CADPS2: variants seen among roughly 807,000 people sequenced by gnomAD.
CADPS2 encodes calcium-dependent secretion activator 2.
A neutral mutation model predicts 172.5 loss-of-function variants in CADPS2; 93 were observed. That is an observed-to-expected ratio of 0.54 (90% CI 0.46 to 0.64). CADPS2 has a LOEUF of 0.64. Among genes scored for constraint, CADPS2 ranks in the 30% least tolerant of loss-of-function variants. The pLI is 0.00. For missense variants in CADPS2, 1,420 were observed against 1,565.9 expected, an observed-to-expected ratio of 0.91 and a Z score of 1.57; for synonymous variants, 546 against 555.2, an observed-to-expected ratio of 0.98 and a Z score of 0.23.
In CADPS2 at chr7:122,393,526, C is replaced by T; in HGVS notation, c.2803G>A (p.Val935Ile). 1.2e-6 allele frequency: 2 copies of T among 1,613,780 alleles called. No individual in the cohort carries two copies. Among genetic ancestry groups the T allele is most frequent in the Non-Finnish European group, 1.7e-6 (2 of 1,179,828 alleles). Reference sequence around the variant, plus strand: ...TCCATGAGATCCACATAGCGGACAACCAAGGGTACAAAGATTTCTTGCAAG... The same window carrying T: ...TCCATGAGATCCACATAGCGGACAATCAAGGGTACAAAGATTTCTTGCAAG... ...KHLQEIFVPL[V>I]VRYVDLMESS... The change falls in exon 21 of 30, where the codon GTT becomes ATT. Residue 935 changes from valine to isoleucine, a missense_variant. Coordinates refer to ENST00000449022, the MANE Select transcript of CADPS2 (RefSeq NM_017954.11).
chr7:122,681,187 G>T, intron 2 of CADPS2: 1 of 603,246 alleles, frequency 1.7e-6, no homozygotes, highest in Non-Finnish European at 3.0e-6. Context: ...TAGATGACAA[G>T]TTAGTGGGTG....
At chr7:122,868,962 A>T (rs771835901) in intron 1 of CADPS2, among the ~76,000 whole-genome samples, 31 of 152,194 alleles carry the variant, frequency 2.0e-4, no homozygotes, top group Admixed American at 9.8e-4. Flanking sequence ...GGAAGAGAAG[A>T]TTAGCAAATT....
intron 7 of CADPS2, among the ~76,000 whole-genome samples, chr7:122,559,770 C>CAAAAA (rs71161306): frequency 1.2e-5 from 1 of 85,152 alleles, no homozygotes; most frequent in Admixed American, 1.4e-4. Flanking sequence ...GACTCCACCT[C>CAAAAA]AAAAAAAAAA....
At chr7:122,846,962 GGCA>G (rs1456747420) in intron 1 of CADPS2, among the ~76,000 whole-genome samples, 3 of 152,136 alleles carry the variant, frequency 2.0e-5, no homozygotes, top group Non-Finnish European at 2.9e-5. Context: ...CAGTATGCCC[GGCA>G]GCAGATCCAG....
chr7:122,565,672 C>A (rs2066369045), intron 7 of CADPS2, among the ~76,000 whole-genome samples: 2 of 152,122 alleles, frequency 1.3e-5, no homozygotes, highest in African/African-American at 4.8e-5. Context: ...CTGCTAAAGG[C>A]AACAGAGGTA....
At chr7:122,784,935 T>C (rs528043570) in intron 1 of CADPS2, among the ~76,000 whole-genome samples, 2 of 152,214 alleles carry the variant, frequency 1.3e-5, no homozygotes, top group African/African-American at 4.8e-5. Flanking sequence ...TTTCACCTTG[T>C]TGAACATCAA....
intron 17 of CADPS2, among the ~76,000 whole-genome samples, chr7:122,437,127 A>G (rs3807869): frequency 0.27 from 41,243 of 151,998 alleles, 6,028 homozygotes; most frequent in Middle Eastern, 0.36. Context: ...TATTTGAATG[A>G]GTATTTAAGA....
rs1310275932 is a variant in CADPS2 at position 122,321,484 on chromosome 7, TTTC to T, written c.3718-1149_3718-1147del. Reference sequence around the variant, plus strand: ...TGCCTGGCCATGTTTACTTTTTTCTTTTCTTTTTTTTGTTTTTATTTTGACATG... The same window carrying T: ...TGCCTGGCCATGTTTACTTTTTTCTTTTTTTTTTGTTTTTATTTTGACATG... On this transcript the variant is annotated intron_variant, in intron 29 of 29. Transcript: ENST00000449022. Among the ~76,000 whole-genome samples the T allele has an allele frequency of 1.2e-4, 18 of 151,882 alleles. No homozygotes were observed. In the East Asian group the frequency reaches 2.7e-3, roughly 23 times the overall value.
At chr7:122,761,854 C>T (rs1326904693) in intron 1 of CADPS2, among the ~76,000 whole-genome samples, 1 of 150,192 alleles carries the variant, frequency 6.7e-6, no homozygotes, top group Non-Finnish European at 1.5e-5. Context: ...AAAAATTAGC[C>T]GGGTGTGGTG....
At chr7:122,655,352 A>C (rs2135123670) in intron 3 of CADPS2, among the ~76,000 whole-genome samples, 1 of 152,314 alleles carries the variant, frequency 6.6e-6, no homozygotes, top group Admixed American at 6.5e-5. Flanking sequence ...ATCGCTATGC[A>C]AATTTCATTG....
intron 20 of CADPS2, among the ~76,000 whole-genome samples, chr7:122,402,056 G>T (rs2151599712): frequency 6.6e-6 from 1 of 152,108 alleles, no homozygotes; most frequent in South Asian, 2.1e-4. Context: ...CCTTAAAATA[G>T]AAACCGAATT....
intron 2 of CADPS2, among the ~76,000 whole-genome samples, chr7:122,667,425 C>T (rs1020589543): frequency 5.9e-5 from 9 of 152,106 alleles, no homozygotes; most frequent in African/African-American, 1.2e-4. Context: ...AAGAAACTTA[C>T]ATTTTTGAAC....
intron 8 of CADPS2, among the ~76,000 whole-genome samples, chr7:122,517,081 C>T (rs2060434428): frequency 6.6e-6 from 1 of 152,046 alleles, no homozygotes; most frequent in African/African-American, 2.4e-5. Flanking sequence ...TCTGGCAACC[C>T]CTCATTTGAT....
Position 122,471,386 on chromosome 7 carries a change from C to T in CADPS2, c.2175G>A (p.Val725=). Residue 725 remains valine (V), a synonymous_variant, in exon 14 of 30, where the codon GTG becomes GTA. Transcript: ENST00000449022. ...GCAAGTAAAAATACCTGTTGCCGTG[C>T]ACATGAGAGGCACAGAATGCAAAGC... ...HYSFAFCASH[V]HGNRPDGIGT... The T allele has an allele frequency of 7.4e-6, 12 of 1,611,608 alleles. No individual in the cohort carries two copies. The highest frequency in any genetic ancestry group is 4.4e-5 in the South Asian group (4 of 90,742).
chr7:122,561,354 GC>G (rs2065751752), intron 7 of CADPS2, among the ~76,000 whole-genome samples: 2 of 151,536 alleles, frequency 1.3e-5, no homozygotes, highest in Non-Finnish European at 2.9e-5. Context: ...AACAAGAAAG[GC>G]CTTTTTTTGA....
At chr7:122,395,449 T>C (rs1465987665) in intron 20 of CADPS2, 1 of 152,218 alleles carries the variant, frequency 6.6e-6, no homozygotes, top group Non-Finnish European at 1.5e-5. Flanking sequence ...ACTAATGTTA[T>C]CTTAATGATG....
At chr7:122,334,865 C>A (rs928779647) in intron 28 of CADPS2, among the ~76,000 whole-genome samples, 1 of 151,886 alleles carries the variant, frequency 6.6e-6, no homozygotes, top group African/African-American at 2.4e-5. Flanking sequence ...TCAAAAATAC[C>A]CATTTGGTAA....
intron 19 of CADPS2, among the ~76,000 whole-genome samples, chr7:122,410,672 G>A (rs1467900471): frequency 6.6e-6 from 1 of 151,964 alleles, no homozygotes; most frequent in Non-Finnish European, 1.5e-5. Context: ...AAATATAAAA[G>A]TTTATTGCTG....
chr7:122,837,952 CA>C (rs1475802624), intron 1 of CADPS2, among the ~76,000 whole-genome samples: 1 of 152,026 alleles, frequency 6.6e-6, no homozygotes, highest in Non-Finnish European at 1.5e-5. Context: ...ATCCTGATAC[CA>C]AAGCCTGGCA....
Sources: allele counts gnomAD v4.1 joint callset (sites outside exome capture counted in the v4.1 genomes callset), GRCh38; gene constraint gnomAD v4.1.1; transcripts MANE v1.5; gene names NCBI Gene and HGNC (gene_info 2026-07-23, HGNC 2026-07-21).